The following ZC3HC1 variants were observed in gnomAD, a reference collection of about 807,000 sequenced individuals.
The protein encoded by ZC3HC1 is zinc finger C3HC-type protein 1.
In ZC3HC1, 38 loss-of-function variants were observed where a neutral mutation model predicts 61.9. The ratio of observed to expected loss-of-function variants is 0.61; its 90% CI spans 0.47 to 0.81. The LOEUF is 0.81. ZC3HC1 is among the 30% of genes least tolerant of loss of function. The pLI is 0.00. For missense variants in ZC3HC1, 554 were observed against 622.7 expected (o/e 0.89, Z 1.17); for synonymous variants, 213 against 229.9 (o/e 0.93, Z 0.67).
At chr7:130,036,067 A>G (rs1794418460) in intron 4 of ZC3HC1, among the ~76,000 whole-genome samples, 1 of 151,632 alleles carries the variant, frequency 6.6e-6, no homozygotes, top group Non-Finnish European at 1.5e-5. Flanking sequence ...AGATATTTTA[A>G]TAGATAAACA....
chr7:130,034,347 T>C (rs1284499242), intron 4 of ZC3HC1, among the ~76,000 whole-genome samples: 1 of 151,340 alleles, frequency 6.6e-6, no homozygotes, highest in East Asian at 1.9e-4. Flanking sequence ...TAGCCGGGTG[T>C]GGTGGCGGGC....
chr7:130,026,146 C>G lies in ZC3HC1; in HGVS notation c.776+12G>C, dbSNP rs990483521. On this transcript the variant is annotated intron_variant, in intron 6 of 9. Coordinates refer to ENST00000358303, the MANE Select transcript of ZC3HC1 (RefSeq NM_016478.5). The stretch of plus-strand genomic sequence containing the variant: ...CATGGTTCATGTCTCCAGGCAAAAT[C>G]TGCTGACTCACCTACACGCCCAGCC... 1.2e-6 allele frequency: 2 copies of G among 1,609,856 alleles called. No homozygotes were observed. Among genetic ancestry groups the G allele is most frequent in the Non-Finnish European group, 1.7e-6 (2 of 1,176,882 alleles).
intron 9 of ZC3HC1, among the ~76,000 whole-genome samples, chr7:130,019,809 G>GTTTTTT (rs754542017): frequency 1.0e-5 from 1 of 95,798 alleles, no homozygotes; most frequent in Non-Finnish European, 2.1e-5. Flanking sequence ...GCTTTCACAG[G>GTTTTTT]TTTTTTTTTT....
At chr7:130,049,656 T>C (rs986521912) in intron 1 of ZC3HC1, among the ~76,000 whole-genome samples, 4 of 151,968 alleles carry the variant, frequency 2.6e-5, no homozygotes, top group Admixed American at 2.0e-4. Context: ...GCAATTCTCC[T>C]GCCTCGGCCT....
At chr7:130,018,828 T>G in intron 9 of ZC3HC1, 96 bp from the exon 10 acceptor site, 1 of 1,082,264 alleles carries the variant, frequency 9.2e-7, no homozygotes, top group African/African-American at 1.6e-5. Context: ...TGTCTAGGAC[T>G]AAGTAAAAAT....
At chr7:130,040,283 A>G in intron 3 of ZC3HC1, among the ~76,000 whole-genome samples, 1 of 144,750 alleles carries the variant, frequency 6.9e-6, no homozygotes. Flanking sequence ...TCACAAGGTC[A>G]GGAGATCAAG....
chr7:130,036,115 T>C (rs1053803853), intron 4 of ZC3HC1, among the ~76,000 whole-genome samples: 9 of 146,982 alleles, frequency 6.1e-5, no homozygotes, highest in Non-Finnish European at 8.9e-5. Context: ...ATATGCCTGT[T>C]TTTTTTTTTT....
Position 130,032,052 on chromosome 7 carries a change from T to C in ZC3HC1, c.494-3023A>G, listed in dbSNP as rs567146211. Among the ~76,000 whole-genome samples the C allele has an allele frequency of 8.5e-4, 129 of 152,096 alleles. 4 individuals carry two copies. In the South Asian group the frequency reaches 0.024, roughly 29 times the overall value. ...CAGCCTGGCCAACATGGTGAAACAC[T>C]GTCTCTACTAAAAATACAAAAATTA... On this transcript the variant is annotated intron_variant, in intron 4 of 9. Transcript: ENST00000358303.
At position 130,018,736 on chromosome 7, in the gene ZC3HC1, T is replaced by C. The variant is rs768616803; in HGVS notation, c.1441-4A>G. 1.2e-6 allele frequency: 2 copies of C among 1,611,258 alleles called. No homozygotes were observed. Among genetic ancestry groups the C allele is most frequent in the Non-Finnish European group, 8.5e-7 (1 of 1,177,772 alleles). On this transcript the variant is annotated splice_region_variant and splice_polypyrimidine_tract_variant and intron_variant, in intron 9 of 9. Coordinates refer to ENST00000358303, the MANE Select transcript of ZC3HC1 (RefSeq NM_016478.5). ...TCCTTGATTTCTCAGAGAGACTCTG[T>C]AGGTAGAAAAGCTTATTATTAGTGA... is the stretch of plus-strand genomic sequence containing the variant.
chr7:130,028,763 A>G (rs1468296782), intron 5 of ZC3HC1, 139 bp downstream of exon 5: 13 of 1,159,116 alleles, frequency 1.1e-5, no homozygotes, highest in Non-Finnish European at 1.5e-5. Flanking sequence ...TTCCTGGTGG[A>G]GACTGAAAAG....
chr7:130,049,188 C>T, intron 1 of ZC3HC1, 44 bp from the exon 2 acceptor site: 1 of 1,440,794 alleles, frequency 6.9e-7, no homozygotes, highest in East Asian at 2.4e-5. Context: ...TTCACAGTAC[C>T]CTCTGCTTAA....
At chr7:130,018,972 T>A (rs866701081) in intron 9 of ZC3HC1, among the ~76,000 whole-genome samples, 15 of 152,140 alleles carry the variant, frequency 9.9e-5, no homozygotes, top group African/African-American at 3.1e-4. Context: ...CCTTCAGGCA[T>A]CTGTATCTGT....
intron 5 of ZC3HC1, among the ~76,000 whole-genome samples, chr7:130,028,122 A>G (rs1794002820): frequency 7.5e-6 from 1 of 133,958 alleles, no homozygotes; most frequent in African/African-American, 2.8e-5. Flanking sequence ...AGCCAAGATC[A>G]CCACTGTACT....
chr7:130,047,679 G>A (rs1047656120), intron 2 of ZC3HC1, among the ~76,000 whole-genome samples: 1 of 122,704 alleles, frequency 8.1e-6, no homozygotes, highest in East Asian at 2.2e-4. Flanking sequence ...ACACACACAC[G>A]GGTAGGGGTG....
chr7:130,047,982 T>C (rs1221844412), intron 2 of ZC3HC1, among the ~76,000 whole-genome samples: 2 of 152,150 alleles, frequency 1.3e-5, no homozygotes, highest in South Asian at 2.1e-4. Context: ...GTTGTGAACT[T>C]TCCTTTAGAG....
At chr7:130,044,904 C>T (rs1467048609) in intron 2 of ZC3HC1, among the ~76,000 whole-genome samples, 1 of 152,162 alleles carries the variant, frequency 6.6e-6, no homozygotes, top group African/African-American at 2.4e-5. Flanking sequence ...ATACACTCTA[C>T]AACATAACTG....
At chr7:130,020,832 C>A (rs766267065) in intron 9 of ZC3HC1, among the ~76,000 whole-genome samples, 9 of 152,094 alleles carry the variant, frequency 5.9e-5, no homozygotes, top group Non-Finnish European at 1.2e-4. Context: ...CAGAGAAATG[C>A]GGATTTTTTT....
At chr7:130,022,665 C>T (rs1563073598) in intron 8 of ZC3HC1, 140 bp from the exon 9 acceptor site, 2 of 874,954 alleles carry the variant, frequency 2.3e-6, no homozygotes, top group Admixed American at 2.6e-5. Flanking sequence ...ACTTTGCCTA[C>T]ACATTTTCCT....
chr7:130,046,179 G>A (rs1318797205), intron 2 of ZC3HC1, among the ~76,000 whole-genome samples: 6 of 152,130 alleles, frequency 3.9e-5, no homozygotes, highest in Non-Finnish European at 5.9e-5. Context: ...AGCATCAGGA[G>A]GAATAGCTAA....
Sources: gnomAD v4.1 joint callset for allele counts (sites outside exome capture counted in the v4.1 genomes callset) on GRCh38, gnomAD v4.1.1 for gene constraint, MANE v1.5 for transcripts, NCBI Gene and HGNC (gene_info 2026-07-23, HGNC 2026-07-21) for gene names.